The following GABRB3 variants were observed in gnomAD, a reference collection of about 807,000 sequenced individuals.
The protein encoded by GABRB3 is gamma-aminobutyric acid receptor subunit beta-3.
GABRB3 carries 14 observed loss-of-function variants against 52.1 expected under a neutral mutation model. The ratio of observed to expected loss-of-function variants is 0.27; its 90% confidence interval spans 0.18 to 0.42. GABRB3 has a LOEUF of 0.42. Among genes scored for constraint, GABRB3 ranks in the 10% least tolerant of loss-of-function variants. The pLI is 1.00. For synonymous variants in GABRB3, 260 were observed against 232.3 expected, an observed-to-expected ratio of 1.12 and a Z score of -1.08; for missense variants, 307 against 609.1, an observed-to-expected ratio of 0.50 and a Z score of 5.22.
At chr15:26,700,865 C>G (rs892513065) in intron 3 of GABRB3, among the ~76,000 whole-genome samples, 5 of 152,164 alleles carry the variant, frequency 3.3e-5, no homozygotes, top group African/African-American at 7.2e-5. Flanking sequence ...ACCATCCTGG[C>G]TAACAGGGTG....
intron 3 of GABRB3, among the ~76,000 whole-genome samples, chr15:26,722,012 A>AAAAGTTTT (rs1211953907): frequency 6.6e-6 from 1 of 152,186 alleles, no homozygotes; most frequent in Non-Finnish European, 1.5e-5. Context: ...TTGCTAAGAA[A>AAAAGTTTT]AAAGTTTTAC....
At chr15:26,674,919 C>T (rs534234952) in intron 3 of GABRB3, among the ~76,000 whole-genome samples, 1 of 152,260 alleles carries the variant, frequency 6.6e-6, no homozygotes, top group South Asian at 2.1e-4. Context: ...CTGTTTTCTC[C>T]TTGAGGTCAA....
intron 8 of GABRB3, among the ~76,000 whole-genome samples, chr15:26,555,040 TG>T (rs1345471092): frequency 6.6e-6 from 1 of 151,930 alleles, no homozygotes; most frequent in Non-Finnish European, 1.5e-5. Context: ...ATAAATTAGC[TG>T]GGTGTGGTGG....
chr15:26,551,550 C>T (rs753615198), intron 8 of GABRB3, among the ~76,000 whole-genome samples: 14 of 152,204 alleles, frequency 9.2e-5, no homozygotes, highest in Non-Finnish European at 2.1e-4. Flanking sequence ...TGGAAAGTCA[C>T]TCAGCACTCC....
intron 3 of GABRB3, among the ~76,000 whole-genome samples, chr15:26,759,066 T>A (rs1890740270): frequency 6.6e-6 from 1 of 152,168 alleles, no homozygotes; most frequent in Non-Finnish European, 1.5e-5. Flanking sequence ...TAAAACTTAA[T>A]AATTTGCACA....
intron 8 of GABRB3, among the ~76,000 whole-genome samples, chr15:26,560,635 CA>C (rs1283935295): frequency 6.6e-6 from 1 of 152,100 alleles, no homozygotes; most frequent in Non-Finnish European, 1.5e-5. Flanking sequence ...ACGGAAATGT[CA>C]AAAGTCAATT....
chr15:26,577,992 T>C (rs951365764), intron 6 of GABRB3, among the ~76,000 whole-genome samples: 1 of 152,176 alleles, frequency 6.6e-6, no homozygotes, highest in Admixed American at 6.5e-5. Flanking sequence ...TCACTGTGTT[T>C]CACAGGCTGG....
chr15:26,766,038 C>G (rs1890987346), intron 3 of GABRB3, among the ~76,000 whole-genome samples: 1 of 152,196 alleles, frequency 6.6e-6, no homozygotes, highest in African/African-American at 2.4e-5. Flanking sequence ...CCTACCTCAC[C>G]AGCTGATGGG....
At chr15:26,711,141 C>T (rs1271348676) in intron 3 of GABRB3, among the ~76,000 whole-genome samples, 1 of 152,188 alleles carries the variant, frequency 6.6e-6, no homozygotes, top group Non-Finnish European at 1.5e-5. Flanking sequence ...CACCATCTTC[C>T]CTTTGGAATG....
intron 5 of GABRB3, chr15:26,581,332 T>A (rs1376731230): frequency 6.6e-6 from 1 of 152,282 alleles, no homozygotes; most frequent in East Asian, 1.9e-4. Flanking sequence ...ATTCACTCAA[T>A]ATTTAATGTT....
intron 3 of GABRB3, among the ~76,000 whole-genome samples, chr15:26,641,534 T>A (rs544799919): frequency 2.1e-4 from 32 of 152,372 alleles, no homozygotes; most frequent in African/African-American, 6.7e-4. Context: ...AAACTCTTGG[T>A]TAGAATGAAG....
At chr15:26,562,408 C>T (rs1297731696) in intron 7 of GABRB3, among the ~76,000 whole-genome samples, 2 of 152,108 alleles carry the variant, frequency 1.3e-5, no homozygotes, top group Non-Finnish European at 2.9e-5. Context: ...GTCAGGCTTC[C>T]CTGAAAAAGG....
intron 3 of GABRB3, among the ~76,000 whole-genome samples, chr15:26,730,596 GCTGGGT>G (rs1889886155): frequency 6.6e-6 from 1 of 152,256 alleles, no homozygotes; most frequent in East Asian, 1.9e-4. Context: ...CCAGGGTGGG[GCTGGGT>G]CCTTAGGACC....
intron 3 of GABRB3, among the ~76,000 whole-genome samples, chr15:26,746,783 C>T (rs894410119): frequency 2.6e-5 from 4 of 151,932 alleles, no homozygotes; most frequent in Non-Finnish European, 1.5e-5. Context: ...GTCAGGAGAT[C>T]GAGACCATCC....
intron 8 of GABRB3, among the ~76,000 whole-genome samples, chr15:26,550,919 A>T (rs1475460368): frequency 6.6e-6 from 1 of 152,228 alleles, no homozygotes; most frequent in Non-Finnish European, 1.5e-5. Flanking sequence ...GAGAGGGAAG[A>T]TACATTTGCA....
intron 3 of GABRB3, among the ~76,000 whole-genome samples, chr15:26,623,054 G>A (rs1267323314): frequency 2.6e-5 from 4 of 152,110 alleles, no homozygotes; most frequent in South Asian, 4.2e-4. Flanking sequence ...ATAACCTGTG[G>A]GGGCCCTCAC....
intron 3 of GABRB3, among the ~76,000 whole-genome samples, chr15:26,761,786 C>G (rs1211418411): frequency 6.6e-6 from 1 of 152,100 alleles, no homozygotes; most frequent in Non-Finnish European, 1.5e-5. Context: ...CTATTGTTGA[C>G]GCCTCTTGCA....
chr15:26,551,961 T>C (rs536922844), intron 8 of GABRB3, among the ~76,000 whole-genome samples: 6 of 152,128 alleles, frequency 3.9e-5, no homozygotes, highest in African/African-American at 1.4e-4. Context: ...CTAATGGAGC[T>C]TGTATCTCAA....
At position 26,571,205 on chromosome 15, in the gene GABRB3, T is replaced by A. The variant is rs930291008; in HGVS notation, c.683-3472A>T. ...TCTTTGCTTCAGGTAAATCTTACTATAATCCACCATACATGGAACAGTCTG... is the reference window on the plus strand; with the variant it reads ...TCTTTGCTTCAGGTAAATCTTACTAAAATCCACCATACATGGAACAGTCTG... On this transcript the variant is annotated intron_variant, in intron 6 of 8. Transcript: ENST00000311550. 4.9e-5 allele frequency among the ~76,000 whole-genome samples: 4 copies of A among 82,424 alleles called. No homozygotes were observed. The East Asian group carries it at 1.2e-3, about 24-fold the overall frequency. 54.1% of individuals were successfully genotyped at this position (82,424 alleles called of 152,430 possible).
Sources: gnomAD v4.1 joint callset for allele counts (sites outside exome capture counted in the v4.1 genomes callset) on GRCh38, gnomAD v4.1.1 for gene constraint, MANE v1.5 for transcripts, NCBI Gene and HGNC (gene_info 2026-07-23, HGNC 2026-07-21) for gene names.